The following NR3C2 variants were observed in gnomAD, a reference collection of about 807,000 sequenced individuals.
NR3C2 encodes nuclear receptor subfamily 3 group C member 2, also known as mineralocorticoid receptor.
A neutral mutation model predicts 86.4 loss-of-function variants in NR3C2; 15 were observed. The observed-to-expected ratio is 0.17, with a 90% CI of 0.12 to 0.27. NR3C2 has a LOEUF of 0.27. NR3C2 is among the 10% of genes least tolerant of loss of function. The pLI, the probability that NR3C2 is intolerant of heterozygous loss-of-function variation, is 1.00. For missense variants in NR3C2, 960 were observed against 1,195.6 expected, an observed-to-expected ratio of 0.80 and a Z score of 2.91; for synonymous variants, 458 against 450.5, an observed-to-expected ratio of 1.02 and a Z score of -0.21.
chr4:148,285,778 T>C (rs1341390452), intron 2 of NR3C2, among the ~76,000 whole-genome samples: 1 of 152,192 alleles, frequency 6.6e-6, no homozygotes, highest in Admixed American at 6.5e-5. Context: ...CCCTGTCTTG[T>C]ACATGTGGAG....
intron 2 of NR3C2, among the ~76,000 whole-genome samples, chr4:148,426,782 G>T (rs13133379): frequency 0.21 from 31,311 of 151,914 alleles, 3,326 homozygotes; most frequent in African/African-American, 0.25. Context: ...AGCATCCACA[G>T]GGACTCCCTC....
intron 2 of NR3C2, among the ~76,000 whole-genome samples, chr4:148,411,636 A>G (rs1748708962): frequency 6.6e-6 from 1 of 152,164 alleles, no homozygotes; most frequent in African/African-American, 2.4e-5. Flanking sequence ...ATTCAACACA[A>G]TGCTATTGAG....
intron 2 of NR3C2, among the ~76,000 whole-genome samples, chr4:148,399,489 T>C (rs1748031385): frequency 6.6e-6 from 1 of 152,006 alleles, no homozygotes. Context: ...ATATCTTCAT[T>C]ATGGCAAACT....
At chr4:148,192,893 A>C (rs1291342440) in intron 4 of NR3C2, among the ~76,000 whole-genome samples, 1 of 151,958 alleles carries the variant, frequency 6.6e-6, no homozygotes, top group African/African-American at 2.4e-5. Context: ...CACTTGCCCA[A>C]GGCTATCTGC....
intron 2 of NR3C2, among the ~76,000 whole-genome samples, chr4:148,376,577 T>C (rs1457397506): frequency 6.6e-6 from 1 of 152,198 alleles, no homozygotes; most frequent in African/African-American, 2.4e-5. Context: ...CTTTCAGTAA[T>C]CATTTATTTT....
intron 2 of NR3C2, among the ~76,000 whole-genome samples, chr4:148,348,497 T>C (rs1745112213): frequency 6.6e-6 from 1 of 152,178 alleles, no homozygotes; most frequent in Admixed American, 6.6e-5. Context: ...AATTTATTCA[T>C]GTACCTGCCC....
chr4:148,419,064 C>G (rs1488817409), intron 2 of NR3C2, among the ~76,000 whole-genome samples: 1 of 151,856 alleles, frequency 6.6e-6, no homozygotes, highest in Non-Finnish European at 1.5e-5. Context: ...ACATGGGTCA[C>G]CCTGCATTCT....
intron 3 of NR3C2, among the ~76,000 whole-genome samples, chr4:148,239,818 CT>C (rs1246606285): frequency 6.6e-6 from 1 of 152,044 alleles, no homozygotes; most frequent in Non-Finnish European, 1.5e-5. Context: ...AGAATGGAAC[CT>C]TTTCGAAGTT....
intron 6 of NR3C2, among the ~76,000 whole-genome samples, chr4:148,143,989 G>A (rs1238059984): frequency 6.8e-6 from 1 of 147,756 alleles, no homozygotes; most frequent in Admixed American, 6.7e-5. Context: ...GAAGAACTGA[G>A]TTAGGAAGTG....
intron 3 of NR3C2, among the ~76,000 whole-genome samples, chr4:148,219,801 C>A (rs188712704): frequency 2.0e-5 from 3 of 152,074 alleles, no homozygotes; most frequent in African/African-American, 7.2e-5. Flanking sequence ...CGTTAATATG[C>A]GATGAGTTTT....
intron 2 of NR3C2, among the ~76,000 whole-genome samples, chr4:148,311,113 G>A (rs966684609): frequency 6.6e-6 from 1 of 152,230 alleles, no homozygotes; most frequent in African/African-American, 2.4e-5. Context: ...TAACACCTGG[G>A]CTGTACTTTT....
At chr4:148,402,613 T>C (rs1422022110) in intron 2 of NR3C2, among the ~76,000 whole-genome samples, 1 of 152,238 alleles carries the variant, frequency 6.6e-6, no homozygotes, top group East Asian at 1.9e-4. Context: ...ATATTATTTT[T>C]GTATATGAAC....
chr4:148,253,110 T>C (rs1437845329), intron 3 of NR3C2, among the ~76,000 whole-genome samples: 1 of 152,198 alleles, frequency 6.6e-6, no homozygotes, highest in African/African-American at 2.4e-5. Flanking sequence ...TTTTCCACTT[T>C]GGAGAAACAA....
intron 3 of NR3C2, among the ~76,000 whole-genome samples, chr4:148,243,958 C>G (rs1739191522): frequency 1.3e-5 from 2 of 152,128 alleles, no homozygotes; most frequent in African/African-American, 4.8e-5. Context: ...TACAAAGTTA[C>G]CAAGACAGGT....
rs541985082 is a variant in NR3C2, at chr4:148,240,819, A to C, written c.1897+19159T>G. Among the ~76,000 whole-genome samples the C allele has an allele frequency of 2.0e-5, 3 of 152,330 alleles. No individual in the cohort carries two copies. The East Asian group carries it at 5.8e-4, about 29-fold the overall frequency. On this transcript the variant is annotated intron_variant, in intron 3 of 8. Transcript: ENST00000358102. ...TGCTGCTGTGAGATTGCAGGAAGCA[A>C]GTCTTCAGCCTTAGTTACCTCACCT...
chr4:148,194,599 A>C, intron 4 of NR3C2, 147 bp downstream of exon 4: 1 of 625,572 alleles, frequency 1.6e-6, no homozygotes, highest in Admixed American at 2.7e-5. Context: ...CTCTTCTAAA[A>C]TGTTTTAGCA....
Position 148,260,047 on chromosome 4 carries a change from C to T in NR3C2, c.1828G>A (p.Ala610Thr). Residue 610 changes from alanine to threonine, a missense_variant, in exon 3 of 9, where the codon GCT becomes ACT. Physicochemically the swap from Ala to Thr is moderately conservative, Grantham distance 58 (BLOSUM62 0). Transcript: ENST00000358102. ...ACTACCCCATAATGGCATCCTGAAG[C>T]CTCATCCCCACACACCAAACATATT... ...SKICLVCGDE[A>T]SGCHYGVVTC... The T allele has an allele frequency of 6.2e-7, 1 of 1,614,132 alleles. No individual in the cohort carries two copies. Among genetic ancestry groups the T allele is most frequent in the Non-Finnish European group, 8.5e-7 (1 of 1,180,028 alleles).
At chr4:148,296,224 AT>A (rs565659964) in intron 2 of NR3C2, among the ~76,000 whole-genome samples, 36 of 149,194 alleles carry the variant, frequency 2.4e-4, no homozygotes, top group African/African-American at 4.4e-4. Flanking sequence ...ATGAAAGTAC[AT>A]TTTTTTTTTG....
chr4:148,113,756 C>A (rs571639335), intron 8 of NR3C2, among the ~76,000 whole-genome samples: 6 of 152,264 alleles, frequency 3.9e-5, no homozygotes, highest in South Asian at 4.1e-4. Context: ...GAATCCCTGG[C>A]CCATTCTTTG....
Sources: allele counts gnomAD v4.1 joint callset (sites outside exome capture counted in the v4.1 genomes callset), GRCh38; gene constraint gnomAD v4.1.1; transcripts MANE v1.5; gene names NCBI Gene and HGNC (gene_info 2026-07-23, HGNC 2026-07-21).